Variants in EEA1 observed in about 807,000 individuals in gnomAD.
EEA1 encodes early endosome antigen 1, 162kD.
A neutral mutation model predicts 209.2 loss-of-function variants in EEA1; 111 were observed. The observed-to-expected ratio is 0.53, with a 90% confidence interval of 0.45 to 0.62. EEA1 has a LOEUF of 0.62. Ranked by LOEUF, EEA1 falls within the 20% of genes least tolerant of loss-of-function variation. EEA1 has a pLI of 0.00. For synonymous variants in EEA1, 536 were observed against 540.6 expected (o/e 0.99, Z 0.12); for missense variants, 1,343 against 1,530.8 (o/e 0.88, Z 2.05).
intron 20 of EEA1, among the ~76,000 whole-genome samples, chr12:92,799,896 T>C (rs1874827949): frequency 6.6e-6 from 1 of 152,152 alleles, no homozygotes; most frequent in African/African-American, 2.4e-5. Context: ...AAAATCACTT[T>C]TGACAAAATA....
chr12:92,912,615 A>G (rs2136778221), intron 1 of EEA1, among the ~76,000 whole-genome samples: 1 of 152,272 alleles, frequency 6.6e-6, no homozygotes, highest in East Asian at 1.9e-4. Context: ...TTAGATGGGC[A>G]TATTGTATAG....
At chr12:92,917,003 G>GATGAAATGA (rs1399415651) in intron 1 of EEA1, among the ~76,000 whole-genome samples, 40 of 151,760 alleles carry the variant, frequency 2.6e-4, no homozygotes, top group African/African-American at 9.7e-4. Flanking sequence ...AGCAATGGAA[G>GATGAAATGA]ATGAAATGAA....
chr12:92,916,234 G>C (rs570534165), intron 1 of EEA1, among the ~76,000 whole-genome samples: 1 of 152,222 alleles, frequency 6.6e-6, no homozygotes, highest in East Asian at 1.9e-4. Flanking sequence ...CTGCTTTAAA[G>C]AAGAAGCCAC....
intron 2 of EEA1, among the ~76,000 whole-genome samples, chr12:92,887,511 A>G (rs80256623): frequency 0.088 from 13,347 of 152,060 alleles, 668 homozygotes; most frequent in Non-Finnish European, 0.098. Context: ...AACAACAAAA[A>G]GCCAGGCATG....
At position 92,837,117 on chromosome 12, in the gene EEA1, T is replaced by C. The variant is rs979725607; in HGVS notation, c.916-4267A>G. ...GCCTATGTGAAAAAGTGAGACTCTG[T>C]CTCATTTAAAAAAAAAAAAAAAAAA... On this transcript the variant is annotated intron_variant, in intron 10 of 28. Transcript: ENST00000322349. 2.3e-4 allele frequency among the ~76,000 whole-genome samples: 17 copies of C among 75,340 alleles called. No homozygotes were observed. The Admixed American group carries it at 3.1e-3, about 14-fold the overall frequency. The allele number at this position is 75,340 out of a possible 152,430, so 49.4% of individuals were successfully genotyped here.
chr12:92,813,114 T>C, intron 15 of EEA1, 21 bp from the exon 16 acceptor site: 1 of 1,439,204 alleles, frequency 6.9e-7, no homozygotes, highest in Non-Finnish European at 9.5e-7. Context: ...ATTTACAAAT[T>C]ATTTAATTTA....
At chr12:92,925,181 CA>C (rs796274410) in intron 1 of EEA1, among the ~76,000 whole-genome samples, 3,490 of 119,772 alleles carry the variant, frequency 0.029, 87 homozygotes, top group African/African-American at 0.07. Context: ...AAAGATGTCT[CA>C]AAAAAAAAAA....
At chr12:92,810,173 G>C (rs145522257) in intron 17 of EEA1, among the ~76,000 whole-genome samples, 2 of 151,942 alleles carry the variant, frequency 1.3e-5, no homozygotes, top group East Asian at 3.9e-4. Context: ...AAACTGATTG[G>C]TATCTGTAGC....
In EEA1 at chr12:92,773,747, T is replaced by C. The variant is rs1308787734; in HGVS notation, c.*2264A>G. ...GACTTTTTAATTAAAAGGAAAAAAA[T>C]TTAAATTTTTATTTCGAAAACACAT... On this transcript the variant is annotated 3_prime_UTR_variant, in exon 29 of 29. Transcript: ENST00000322349. 1 of 151,520 alleles carries C rather than the reference T, an allele frequency of 6.6e-6. No individual in the cohort carries two copies. Among genetic ancestry groups the C allele is most frequent in the Non-Finnish European group, 1.5e-5 (1 of 67,594 alleles). 9.4% of individuals were successfully genotyped at this position (151,520 alleles called of 1,614,324 possible). A position where few individuals can be genotyped will look rare whatever the true frequency, so the allele number is the denominator to read the frequency against.
At chr12:92,861,079 G>A (rs963220645) in intron 3 of EEA1, among the ~76,000 whole-genome samples, 3 of 152,086 alleles carry the variant, frequency 2.0e-5, no homozygotes, top group African/African-American at 7.2e-5. Flanking sequence ...TCACCTAAGG[G>A]TCAAACTGAC....
intron 3 of EEA1, chr12:92,858,169 C>T: frequency 1.6e-6 from 1 of 643,538 alleles, no homozygotes; most frequent in Non-Finnish European, 2.9e-6. Context: ...AAGGCCCACC[C>T]AGATAAGATC....
intron 2 of EEA1, among the ~76,000 whole-genome samples, chr12:92,883,511 TA>T (rs1425112003): frequency 6.6e-6 from 1 of 152,200 alleles, no homozygotes. Context: ...TGATGTTTCC[TA>T]GGTTTTCTTC....
intron 2 of EEA1, among the ~76,000 whole-genome samples, chr12:92,885,724 G>A (rs1879352589): frequency 6.6e-6 from 1 of 152,172 alleles, no homozygotes; most frequent in Non-Finnish European, 1.5e-5. Context: ...TTGTCTCTGA[G>A]TAGGCTGAAA....
At chr12:92,893,607 A>AT (rs1422176752) in intron 1 of EEA1, among the ~76,000 whole-genome samples, 2 of 152,230 alleles carry the variant, frequency 1.3e-5, no homozygotes, top group Non-Finnish European at 2.9e-5. Flanking sequence ...CAATGGAAAA[A>AT]TATACACAGT....
intron 1 of EEA1, among the ~76,000 whole-genome samples, chr12:92,904,271 C>T (rs572492780): frequency 1.1e-4 from 17 of 152,000 alleles, no homozygotes; most frequent in East Asian, 1.9e-4. Flanking sequence ...AAAAGTTTTC[C>T]GATTTTTAAA....
At position 92,802,712 on chromosome 12, in the gene EEA1, G is replaced by T; in HGVS notation, c.2362C>A (p.Leu788Ile). The change falls in exon 19 of 29, where the codon CTA becomes ATA. Residue 788 changes from leucine to isoleucine, a missense_variant. Around this residue, in one of 3 missense-constraint regions of EEA1, gnomAD observed 1,307 missense variants for 1,465.5 expected, o/e 0.89. Coordinates refer to ENST00000322349, the MANE Select transcript of EEA1 (RefSeq NM_003566.4). The stretch of plus-strand genomic sequence containing the variant: ...TCAAGGGCTTCAGATTTTTTCTGTA[G>T]ATCCAATCTTGTACTGGATACTCTA... ...KEIVSSTRLD[L>I]QKKSEALESI... 1.3e-6 allele frequency: 2 copies of T among 1,595,222 alleles called. No individual in the cohort carries two copies. The highest frequency in any genetic ancestry group is 2.3e-5 in the South Asian group (2 of 85,924).
Position 92,832,667 on chromosome 12 carries a change from G to A in EEA1, c.1099C>T (p.Leu367=), listed in dbSNP as rs1422039181. The A allele has an allele frequency of 1.9e-6, 3 of 1,613,824 alleles. No individual in the cohort carries two copies. The South Asian group carries it at 3.3e-5, about 18-fold the overall frequency. Residue 367 remains leucine (L), a synonymous_variant, in exon 11 of 29, where the codon CTA becomes TTA. Transcript: ENST00000322349. ...ETSLHRIHVE[L]SEKGEATQKL... Reference sequence around the variant, plus strand: ...TGAGTAGCTTCTCCTTTTTCACTTAGTTCTACATGTATTCTATGCAGTGAG... The same window carrying A: ...TGAGTAGCTTCTCCTTTTTCACTTAATTCTACATGTATTCTATGCAGTGAG...
At chr12:92,842,896 T>C (rs1877230814) in intron 9 of EEA1, among the ~76,000 whole-genome samples, 1 of 152,218 alleles carries the variant, frequency 6.6e-6, no homozygotes, top group South Asian at 2.1e-4. Flanking sequence ...ACTTCAATCT[T>C]CCAGAATTTA....
intron 2 of EEA1, among the ~76,000 whole-genome samples, chr12:92,889,719 C>T (rs1015730933): frequency 6.6e-6 from 1 of 151,940 alleles, no homozygotes; most frequent in Non-Finnish European, 1.5e-5. Context: ...GCCAACATGG[C>T]AAAACCCCGT....
Sources: allele counts gnomAD v4.1 joint callset (sites outside exome capture counted in the v4.1 genomes callset), GRCh38; gene constraint gnomAD v4.1.1; regional missense constraint gnomAD v4.1.1; transcripts MANE v1.5; gene names NCBI Gene and HGNC (gene_info 2026-07-23, HGNC 2026-07-21).